PATJ: variants seen among roughly 807,000 people sequenced by gnomAD.
The protein encoded by PATJ is inaD-like protein.
A neutral mutation model predicts 224.9 loss-of-function variants in PATJ; 190 were observed. That is an observed-to-expected ratio of 0.84 (90% CI 0.75 to 0.95). PATJ has a LOEUF of 0.95. Among genes scored for constraint, PATJ ranks in the 40% least tolerant of loss-of-function variants. The pLI is 0.00. For synonymous variants in PATJ, 769 were observed against 820.3 expected (o/e 0.94, Z 1.07); for missense variants, 2,121 against 2,270.3 (o/e 0.93, Z 1.34).
chr1:61,858,817 G>T (rs1464204268), intron 18 of PATJ, among the ~76,000 whole-genome samples: 1 of 152,194 alleles, frequency 6.6e-6, no homozygotes, highest in Non-Finnish European at 1.5e-5. Context: ...TGGTCTTCAT[G>T]TATTACTTTT....
At chr1:61,935,973 CT>C (rs1157521011) in intron 27 of PATJ, among the ~76,000 whole-genome samples, 2 of 151,960 alleles carry the variant, frequency 1.3e-5, no homozygotes, top group African/African-American at 4.8e-5. Flanking sequence ...GAGTCACAGT[CT>C]TTTTTAAGCT....
rs371327080 is a variant in PATJ, at chr1:61,864,352, G to A, written c.2554G>A (p.Glu852Lys). ...GATAGAGCAAAGCAAGGAGGCCTGGGAGATGCATGAATTTCTGACTCCTAG... is the reference window on the plus strand; with the variant it reads ...GATAGAGCAAAGCAAGGAGGCCTGGAAGATGCATGAATTTCTGACTCCTAG... ...KEIEQSKEAW[E>K]MHEFLTPRLQ... Residue 852 changes from glutamate (E) to lysine (K), a missense_variant, in exon 20 of 44, where the codon GAG (glutamate) becomes AAG (lysine). By Grantham distance (56) the Glu-to-Lys change is moderately conservative. Transcript: ENST00000642238. 35 of 1,614,000 alleles carry A rather than the reference G, an allele frequency of 2.2e-5. No homozygotes were observed. The highest frequency in any genetic ancestry group is 2.8e-5 in the Non-Finnish European group (33 of 1,179,974).
rs572490257 is a variant in PATJ, at chr1:61,807,517, C to T, written c.1627-957C>T. On this transcript the variant is annotated intron_variant, in intron 13 of 43. Coordinates refer to ENST00000642238, the MANE Select transcript of PATJ (RefSeq NM_001350145.3). ...TCCTTATAATTAAACTTTTAAATTT[C>T]ATTTATTTATTACATGGTGAGGTCA... Among the ~76,000 whole-genome samples, 437 of 152,176 alleles carry T rather than the reference C, an allele frequency of 2.9e-3. 1 individual carries two copies. Among genetic ancestry groups the T allele is most frequent in the Non-Finnish European group, 4.5e-3 (303 of 68,016 alleles).
intron 39 of PATJ, among the ~76,000 whole-genome samples, chr1:62,125,236 C>CAAAAAAAAAAAAAAAAAAAAA (rs761278812): frequency 3.2e-4 from 9 of 27,732 alleles, no homozygotes; most frequent in East Asian, 1.4e-3. Context: ...AACCCTGTCT[C>CAAAAAAAAAAAAAAAAAAAAA]AAAAAAAAAA....
intron 7 of PATJ, among the ~76,000 whole-genome samples, chr1:61,781,561 C>T (rs1647329342): frequency 6.6e-6 from 1 of 152,194 alleles, no homozygotes; most frequent in South Asian, 2.1e-4. Flanking sequence ...TGGAGAAATT[C>T]TCAGCACACC....
At chr1:61,875,118 T>C (rs1434777497) in intron 20 of PATJ, 125 bp from the exon 21 acceptor site, 2 of 576,352 alleles carry the variant, frequency 3.5e-6, no homozygotes, top group Non-Finnish European at 6.2e-6. Flanking sequence ...GTATAAACCA[T>C]TACTTGAGAA....
rs1491231669 is a variant in PATJ at position 62,106,119 on chromosome 1, CAA to C, written c.4378-2316_4378-2315del. ...ACACACACACACACACACACACACA[CAA>C]ACACACATATATACATGTGTATATG... On this transcript the variant is annotated intron_variant, in intron 33 of 43. Transcript: ENST00000642238. 4.6e-5 allele frequency among the ~76,000 whole-genome samples: 4 copies of C among 86,298 alleles called. 1 individual carries two copies. Among genetic ancestry groups the C allele is most frequent in the Non-Finnish European group, 7.2e-5 (3 of 41,458 alleles). The allele number at this position is 86,298 out of a possible 152,430, so 56.6% of individuals were successfully genotyped here. A position where few individuals can be genotyped will look rare whatever the true frequency, so the allele number is the denominator to read the frequency against.
rs548298529 is a variant in PATJ at position 61,943,149 on chromosome 1, T to C, written c.3670+15320T>C. Among the ~76,000 whole-genome samples the C allele has an allele frequency of 7.2e-5, 11 of 152,292 alleles. No homozygotes were observed. In the East Asian group the frequency reaches 2.1e-3, roughly 29 times the overall value. ...GAAGCCTGCTGAGAAGATTCCAAGA[T>C]GGCCGAATAGGAACAGCTCCAGTCT... is the stretch of plus-strand genomic sequence containing the variant. On this transcript the variant is annotated intron_variant, in intron 27 of 43. Coordinates refer to ENST00000642238, the MANE Select transcript of PATJ (RefSeq NM_001350145.3).
intron 14 of PATJ, among the ~76,000 whole-genome samples, chr1:61,814,547 T>TGCGCGCGCGCGC (rs1553168028): frequency 9.3e-4 from 132 of 142,564 alleles, no homozygotes; most frequent in African/African-American, 3.5e-3. Flanking sequence ...TGTGTGTGTG[T>TGCGCGCGCGCGC]GCGCGCGCGC....
At chr1:62,013,229 C>A in intron 28 of PATJ, 1 of 373,248 alleles carries the variant, frequency 2.7e-6, no homozygotes, top group Non-Finnish European at 3.7e-6. Context: ...TTCTATTCTA[C>A]CAAAATGGAG....
At chr1:61,772,759 T>C (rs1892023) in intron 6 of PATJ, among the ~76,000 whole-genome samples, 84,412 of 151,932 alleles carry the variant, frequency 0.56, 23,772 homozygotes, top group East Asian at 0.88. Context: ...CATTCAAGTC[T>C]ATTTCTCCCA....
chr1:62,113,978 C>A, intron 34 of PATJ, 75 bp from the exon 35 acceptor site: 1 of 1,416,160 alleles, frequency 7.1e-7, no homozygotes, highest in Non-Finnish European at 9.8e-7. Context: ...CTGGTTAGAT[C>A]AAGGAGATTC....
At chr1:62,137,122 C>T (rs1273817660) in intron 41 of PATJ, among the ~76,000 whole-genome samples, 6 of 152,066 alleles carry the variant, frequency 3.9e-5, no homozygotes, top group Admixed American at 6.6e-5. Context: ...TTACTCATTT[C>T]GAAAGCTTAA....
chr1:62,139,861 G>A (rs1035896450), intron 41 of PATJ, among the ~76,000 whole-genome samples: 1 of 151,710 alleles, frequency 6.6e-6, no homozygotes, highest in African/African-American at 2.4e-5. Context: ...CCGGGCTCGG[G>A]TGATCATCCC....
chr1:61,802,794 G>T (rs1652806224), intron 12 of PATJ, among the ~76,000 whole-genome samples: 1 of 151,668 alleles, frequency 6.6e-6, no homozygotes, highest in Admixed American at 6.6e-5. Flanking sequence ...TGATACCTTA[G>T]CTATTATAGT....
At chr1:61,834,805 T>G (rs540242432) in intron 17 of PATJ, among the ~76,000 whole-genome samples, 1 of 152,218 alleles carries the variant, frequency 6.6e-6, no homozygotes, top group Non-Finnish European at 1.5e-5. Flanking sequence ...TGCAGTAGCA[T>G]GCAACCTCTA....
intron 31 of PATJ, among the ~76,000 whole-genome samples, chr1:62,060,898 G>A (rs1033701683): frequency 4.6e-5 from 7 of 152,088 alleles, no homozygotes; most frequent in African/African-American, 1.7e-4. Context: ...CACCACGTTG[G>A]CCAGGCTGGT....
At chr1:61,812,274 G>A (rs979108125) in intron 14 of PATJ, among the ~76,000 whole-genome samples, 5 of 151,666 alleles carry the variant, frequency 3.3e-5, no homozygotes, top group African/African-American at 1.2e-4. Flanking sequence ...ACTATAAAAG[G>A]CTTCAGATGA....
rs187498445 is a variant in PATJ, at chr1:62,080,449, G to A, written c.4243+882G>A. On this transcript the variant is annotated intron_variant, in intron 32 of 43. Coordinates refer to ENST00000642238, the MANE Select transcript of PATJ (RefSeq NM_001350145.3). ...TGGGTTCAAGTGATTCTCCTGCCTC[G>A]GCCTCCTGAGTAGCTGGGATTACAG... Among the ~76,000 whole-genome samples the A allele has an allele frequency of 6.7e-4, 102 of 151,704 alleles. 1 individual carries two copies. The highest frequency in any genetic ancestry group is 2.2e-3 in the African/African-American group (91 of 41,346).
Sources: allele counts gnomAD v4.1 joint callset (sites outside exome capture counted in the v4.1 genomes callset), GRCh38; gene constraint gnomAD v4.1.1; transcripts MANE v1.5; gene names NCBI Gene and HGNC (gene_info 2026-07-23, HGNC 2026-07-21).